Variants in GRIP1 observed in about 807,000 individuals in gnomAD.
GRIP1 encodes the protein glutamate receptor-interacting protein 1.
Under a neutral mutation model 129.9 loss-of-function variants are expected in GRIP1, and 45 were observed. The ratio of observed to expected loss-of-function variants is 0.35; its 90% CI spans 0.27 to 0.44. The LOEUF is 0.44. Among genes scored for constraint, GRIP1 ranks in the 20% least tolerant of loss-of-function variants. The pLI is 1.00. For missense variants in GRIP1, 1,196 were observed against 1,396.8 expected, an observed-to-expected ratio of 0.86 and a Z score of 2.29; for synonymous variants, 530 against 520.8, an observed-to-expected ratio of 1.02 and a Z score of -0.24.
chr12:66,667,932 C>T (rs545210595), intron 1 of GRIP1, among the ~76,000 whole-genome samples: 1 of 152,264 alleles, frequency 6.6e-6, no homozygotes, highest in African/African-American at 2.4e-5. Context: ...AGGGTGGCTC[C>T]TCCCTCTACT....
In GRIP1 at chr12:66,764,748, C is replaced by T. The variant is rs187817555; in HGVS notation, c.-420+39305G>A. 1.5e-3 allele frequency among the ~76,000 whole-genome samples: 222 copies of T among 152,150 alleles called. 1 individual carries two copies. The highest frequency in any genetic ancestry group is 0.011 in the Admixed American group (165 of 15,246). On this transcript the variant is annotated intron_variant, in intron 1 of 4. Transcript: ENST00000538373. The stretch of plus-strand genomic sequence containing the variant: ...CCTGTTGGGATAAAGTGTAACCAGC[C>T]ATAAAGAATGTCACTTGCATTTGAG...
At chr12:66,397,974 A>T (rs970270265) in intron 16 of GRIP1, among the ~76,000 whole-genome samples, 1 of 152,172 alleles carries the variant, frequency 6.6e-6, no homozygotes, top group Non-Finnish European at 1.5e-5. Context: ...CTTTCCTTTC[A>T]TAGACGGTGG....
At chr12:66,664,380 T>C (rs17181903) in intron 1 of GRIP1, among the ~76,000 whole-genome samples, 21,635 of 152,260 alleles carry the variant, frequency 0.14, 1,615 homozygotes, top group Non-Finnish European at 0.16. Flanking sequence ...ACCATAATTA[T>C]AGTCTCTAAC....
intron 1 of GRIP1, among the ~76,000 whole-genome samples, chr12:67,032,649 T>C (rs2135783376): frequency 6.6e-6 from 1 of 152,250 alleles, no homozygotes; most frequent in South Asian, 2.1e-4. Flanking sequence ...TCCTACCCAC[T>C]AAATGCAGTC....
intron 1 of GRIP1, among the ~76,000 whole-genome samples, chr12:66,659,392 C>T (rs1342743654): frequency 6.6e-6 from 1 of 152,214 alleles, no homozygotes; most frequent in East Asian, 1.9e-4. Context: ...TTATCTCACA[C>T]GTAGGTGCTC....
At chr12:67,052,254 T>C (rs781541433) in intron 1 of GRIP1, among the ~76,000 whole-genome samples, 2 of 152,192 alleles carry the variant, frequency 1.3e-5, no homozygotes, top group Non-Finnish European at 2.9e-5. Context: ...TCAACCATCT[T>C]CATGAGACAC....
intron 1 of GRIP1, among the ~76,000 whole-genome samples, chr12:66,950,444 AATTT>A (rs2041738994): frequency 6.6e-6 from 1 of 152,158 alleles, no homozygotes; most frequent in African/African-American, 2.4e-5. Flanking sequence ...ACTTTTAATC[AATTT>A]ATTACTCAGT....
intron 1 of GRIP1, among the ~76,000 whole-genome samples, chr12:67,047,881 TTCAG>T (rs2043279230): frequency 6.6e-6 from 1 of 152,234 alleles, no homozygotes; most frequent in Non-Finnish European, 1.5e-5. Context: ...CACTACCTGT[TTCAG>T]CACACCTTGT....
chr12:66,423,099 T>TA (rs1229993001), intron 14 of GRIP1, among the ~76,000 whole-genome samples: 7 of 152,190 alleles, frequency 4.6e-5, no homozygotes, highest in Non-Finnish European at 7.3e-5. Context: ...TGGCTTCTTT[T>TA]AAAAAAATAG....
In GRIP1 at chr12:66,932,459, T is replaced by C. The variant is rs1282264940; in HGVS notation, c.58+136591A>G. On this transcript the variant is annotated intron_variant, in intron 1 of 1. Coordinates refer to the GRIP1 transcript ENST00000643019. The stretch of plus-strand genomic sequence containing the variant: ...ACCAGCTGCTTCAATATTTTAACAT[T>C]ACACAAGGGATTCACTGAAAGAAGT... Among the ~76,000 whole-genome samples the C allele has an allele frequency of 3.9e-5, 6 of 152,268 alleles. No homozygotes were observed. The South Asian group carries it at 1.2e-3, about 32-fold the overall frequency.
At chr12:67,050,169 C>A (rs2043320076) in intron 1 of GRIP1, among the ~76,000 whole-genome samples, 1 of 151,410 alleles carries the variant, frequency 6.6e-6, no homozygotes, top group Admixed American at 6.6e-5. Flanking sequence ...TACTATTTGC[C>A]TTTTAATTTT....
At chr12:66,953,360 A>G (rs1162343177) in intron 1 of GRIP1, among the ~76,000 whole-genome samples, 1 of 152,190 alleles carries the variant, frequency 6.6e-6, no homozygotes, top group African/African-American at 2.4e-5. Flanking sequence ...TCATTCATTC[A>G]GGACTTAACT....
chr12:66,690,855 C>T (rs1354037829), intron 1 of GRIP1, among the ~76,000 whole-genome samples: 2 of 151,610 alleles, frequency 1.3e-5, no homozygotes, highest in African/African-American at 4.8e-5. Context: ...ATTGCTTGAG[C>T]TCAGGAGTTT....
At chr12:66,636,345 A>G (rs536615419) in intron 1 of GRIP1, among the ~76,000 whole-genome samples, 1 of 152,220 alleles carries the variant, frequency 6.6e-6, no homozygotes, top group African/African-American at 2.4e-5. Flanking sequence ...TAACGGTTGT[A>G]CAACCATATG....
chr12:66,667,149 A>G (rs1333226170), intron 1 of GRIP1, among the ~76,000 whole-genome samples: 3 of 152,084 alleles, frequency 2.0e-5, no homozygotes, highest in East Asian at 3.9e-4. Flanking sequence ...CTGCTCTCCA[A>G]ATGCTTTTTA....
At chr12:66,526,045 T>C (rs10878442) in intron 5 of GRIP1, among the ~76,000 whole-genome samples, 28,781 of 152,072 alleles carry the variant, frequency 0.19, 2,939 homozygotes, top group East Asian at 0.32. Flanking sequence ...TACAAACAAA[T>C]GGAAGAACAT....
At position 66,401,510 on chromosome 12, in the gene GRIP1, C is replaced by T. The variant is rs374394362; in HGVS notation, c.1984+4773G>A. Among the ~76,000 whole-genome samples, 13 of 151,028 alleles carry T rather than the reference C, an allele frequency of 8.6e-5. No individual in the cohort carries two copies. The East Asian group carries it at 1.2e-3, about 14-fold the overall frequency. Reference sequence around the variant, plus strand: ...AGGAGAATCAGTTGAACCTGGAAGGCGGAGGTTGCAGTGAGCCGAGATTGT... The same window carrying T: ...AGGAGAATCAGTTGAACCTGGAAGGTGGAGGTTGCAGTGAGCCGAGATTGT... On this transcript the variant is annotated intron_variant, in intron 16 of 24. Coordinates refer to ENST00000359742, the MANE Select transcript of GRIP1 (RefSeq NM_001366722.1).
intron 24 of GRIP1, among the ~76,000 whole-genome samples, chr12:66,352,445 C>T (rs1168317): frequency 0.5 from 76,691 of 151,976 alleles, 19,904 homozygotes; most frequent in East Asian, 0.6. Context: ...AGAGAGTATA[C>T]GAAGAGGTTG....
rs1310835340 is a variant in GRIP1, at chr12:66,347,638, T to TTAAG, written c.*1377_*1380dup. On this transcript the variant is annotated 3_prime_UTR_variant, in exon 25 of 25. Transcript: ENST00000359742. ...GTTTGTTACAAATAAAAATACATAT[T>TTAAG]TAAGTGACTCATGATCTTTTTTTCT... 1.3e-5 allele frequency: 2 copies of TTAAG among 152,212 alleles called. No individual in the cohort carries two copies. The highest frequency in any genetic ancestry group is 2.4e-5 in the African/African-American group (1 of 41,452). 9.4% of individuals were successfully genotyped at this position (152,212 alleles called of 1,614,324 possible). A position where few individuals can be genotyped will look rare whatever the true frequency, so the allele number is the denominator to read the frequency against.
Sources: allele counts gnomAD v4.1 joint callset (sites outside exome capture counted in the v4.1 genomes callset), GRCh38; gene constraint gnomAD v4.1.1; transcripts MANE v1.5; gene names NCBI Gene and HGNC (gene_info 2026-07-23, HGNC 2026-07-21).